NES: variants seen among roughly 807,000 people sequenced by gnomAD.
NES encodes nestin.
Under a neutral mutation model 35.6 loss-of-function variants are expected in NES, and 27 were observed. The observed-to-expected ratio is 0.76, with a 90% CI of 0.56 to 1.04. NES has a LOEUF of 1.04. Among genes scored for constraint, NES ranks in the 50% least tolerant of loss-of-function variants. The pLI is 0.00. For synonymous variants in NES, 822 were observed against 824.2 expected (o/e 1.00, Z 0.04); for missense variants, 1,867 against 1,983.6 (o/e 0.94, Z 1.12).
Position 156,676,439 on chromosome 1 carries a change from GCTTTCTGGGA to G in NES, c.783+33_783+42del, listed in dbSNP as rs750533457. The G allele has an allele frequency of 1.8e-5, 28 of 1,587,428 alleles. No homozygotes were observed. Among genetic ancestry groups the G allele is most frequent in the Non-Finnish European group, 2.4e-5 (28 of 1,171,864 alleles). ...TGAGCTTCATAAGGGACTTTCTGGA[GCTTTCTGGGA>G]CTTTCTCTCACCCAGGCCCTCAACC... On this transcript the variant is annotated intron_variant, in intron 1 of 3. Transcript: ENST00000368223. The surrounding 1 kb of genome is among the most constrained non-coding windows in gnomAD (Gnocchi z 5.3).
At position 156,673,122 on chromosome 1, in the gene NES, G is replaced by A. The variant is rs1455593745; in HGVS notation, c.1066C>T (p.Leu356Phe). 1.3e-6 allele frequency: 2 copies of A among 1,580,812 alleles called. No individual in the cohort carries two copies. The highest frequency in any genetic ancestry group is 1.2e-5 in the South Asian group (1 of 86,206). The change falls in exon 4 of 4, where the codon CTC becomes TTC. Residue 356 changes from leucine to phenylalanine, a missense_variant. Leu to Phe is a conservative substitution (Grantham distance 22, BLOSUM62 0). Coordinates refer to ENST00000368223, the MANE Select transcript of NES (RefSeq NM_006617.2). ...AGGGTAGCAGGCAAGGGTGAGGGGA[G>A]GGAAGTTGGGCTCAGGACTGGGAGC... ...SLLPVLSPTS[L>F]PSPLPATLET...
In NES at chr1:156,676,546, G is replaced by C; in HGVS notation, c.719C>G (p.Ala240Gly). ...GCCCTCCAACCTCTGTTCCAACGCT[G>C]CCCTGCGCTCCAGGAGGCCTCCGCG... ...AERGGLLERR[A>G]ALEQRLEGRW... is the part of the protein sequence containing the mutation. The change falls in exon 1 of 4, where the codon GCA becomes GGA. Residue 240 changes from alanine (A) to glycine (G), a missense_variant. Transcript: ENST00000368223. This position sits in a 1 kb window ranked among gnomAD's most constrained non-coding sequence, Gnocchi z 5.3. The C allele has an allele frequency of 6.3e-7, 1 of 1,595,258 alleles. No individual in the cohort carries two copies. Among genetic ancestry groups the C allele is most frequent in the South Asian group, 1.1e-5 (1 of 90,618 alleles).
chr1:156,673,138 G>A lies in NES; in HGVS notation c.1050C>T (p.Val350=). The part of the protein sequence containing the change: ...EGRRLGSLLP[V]LSPTSLPSPL... Reference sequence around the variant, plus strand: ...GTGAGGGGAGGGAAGTTGGGCTCAGGACTGGGAGCAAAGATCCAAGACGCC... The same window carrying A: ...GTGAGGGGAGGGAAGTTGGGCTCAGAACTGGGAGCAAAGATCCAAGACGCC... The change falls in exon 4 of 4, where the codon GTC becomes GTT. Residue 350 remains valine, a synonymous_variant. Transcript: ENST00000368223. 6.4e-7 allele frequency: 1 copy of A among 1,557,684 alleles called. No individual in the cohort carries two copies. The highest frequency in any genetic ancestry group is 8.7e-7 in the Non-Finnish European group (1 of 1,150,478).
In NES at chr1:156,669,966, C is replaced by A; in HGVS notation, c.4222G>T (p.Glu1408Ter). 6.2e-7 allele frequency: 1 copy of A among 1,613,718 alleles called. No homozygotes were observed. Among genetic ancestry groups the A allele is most frequent in the Middle Eastern group, 1.7e-4 (1 of 6,060 alleles). The change falls in exon 4 of 4, where the codon GAG becomes TAG. Residue 1408 changes from glutamate (E) to a stop codon, truncating the protein, a stop_gained. Transcript: ENST00000368223. LOFTEE classifies it low-confidence loss of function (END_TRUNC). ...TCCTCATCTGCAAACCCATCGGACT[C>A]CCCATCTCGATCCCAGGCTGCAGGA... ...LDPAAWDRDG[E>*]SDGFADEEES...
chr1:156,670,747 T>G lies in NES; in HGVS notation c.3441A>C (p.Ala1147=), dbSNP rs1679703710. 1 of 1,614,096 alleles carries G rather than the reference T, an allele frequency of 6.2e-7. No individual in the cohort carries two copies. The highest frequency in any genetic ancestry group is 8.5e-7 in the Non-Finnish European group (1 of 1,179,982). ...LEGPRKDLEE[A]GGLGTEFSEL... Reference sequence around the variant, plus strand: ...CGGAGAACTCTGTCCCCAGACCACCTGCCTCCTCTAGGTCCTTTCTAGGCC... The same window carrying G: ...CGGAGAACTCTGTCCCCAGACCACCGGCCTCCTCTAGGTCCTTTCTAGGCC... Residue 1147 remains alanine (A), a synonymous_variant, in exon 4 of 4, where the codon GCA becomes GCC. Transcript: ENST00000368223.
At position 156,676,998 on chromosome 1, in the gene NES, C is replaced by A; in HGVS notation, c.267G>T (p.Glu89Asp). Residue 89 changes from glutamate (E) to aspartate (D), a missense_variant, in exon 1 of 4, where the codon GAG becomes GAT. Physicochemically the swap from Glu to Asp is conservative, Grantham distance 45 (BLOSUM62 2). Coordinates refer to ENST00000368223, the MANE Select transcript of NES (RefSeq NM_006617.2). The surrounding 1 kb of genome is among the most constrained non-coding windows in gnomAD (Gnocchi z 5.3). ...GCTGCTGGCATCGGCCTGCCACGCCCTCCAGCTCTTCAGCCAGGTTGTCGC... is the reference window on the plus strand; with the variant it reads ...GCTGCTGGCATCGGCCTGCCACGCCATCCAGCTCTTCAGCCAGGTTGTCGC... The part of the protein sequence containing the change: ...VARDNLAEEL[E>D]GVAGRCQQLR... 2 of 1,585,930 alleles carry A rather than the reference C, an allele frequency of 1.3e-6. No homozygotes were observed. Among genetic ancestry groups the A allele is most frequent in the East Asian group, 2.3e-5 (1 of 43,652 alleles).
Position 156,670,934 on chromosome 1 carries a change from C to A in NES, c.3254G>T (p.Gly1085Val), listed in dbSNP as rs1221962954. 6.2e-7 allele frequency: 1 copy of A among 1,612,940 alleles called. No homozygotes were observed. The change falls in exon 4 of 4, where the codon GGG (glycine) becomes GTG (valine). Residue 1085 changes from glycine (G) to valine (V), a missense_variant. Transcript: ENST00000368223. ...AGACTCACCCATGGCAGGCTCTGAC[C>A]CCAACATGACCTCTGGGGAGGCTTG... Reference protein sequence around the residue: ...GDQASPEVMLGSEPAMGESAA... With the variant: ...GDQASPEVMLVSEPAMGESAA...
At position 156,677,314 on chromosome 1, in the gene NES, A is replaced by C. The variant is rs770612939; in HGVS notation, c.-50T>G. 1 of 1,247,678 alleles carries C rather than the reference A, an allele frequency of 8.0e-7. No homozygotes were observed. The highest frequency in any genetic ancestry group is 1.7e-5 in the African/African-American group (1 of 57,670). 77.3% of individuals were successfully genotyped at this position (1,247,678 alleles called of 1,614,324 possible). ...TGGACAGACGCGGGGCACCGGGAGA[A>C]GGGAGCGGCTCGCAGAGCTTTTAGG... On this transcript the variant is annotated 5_prime_UTR_variant, in exon 1 of 4. Coordinates refer to ENST00000368223, the MANE Select transcript of NES (RefSeq NM_006617.2). This position sits in a 1 kb window ranked among gnomAD's most constrained non-coding sequence, Gnocchi z 4.5.
chr1:156,673,620 C>T (rs1035396426), intron 2 of NES, 93 bp from the exon 3 acceptor site: 3 of 830,296 alleles, frequency 3.6e-6, no homozygotes, highest in African/African-American at 3.4e-5. Context: ...GAGCTTGCAC[C>T]ATCCAGGCCC....
chr1:156,677,270 T>C lies in NES; in HGVS notation c.-6A>G, dbSNP rs1326210599. 1.2e-6 allele frequency: 2 copies of C among 1,607,860 alleles called. No homozygotes were observed. Among genetic ancestry groups the C allele is most frequent in the Non-Finnish European group, 1.7e-6 (2 of 1,178,434 alleles). On this transcript the variant is annotated 5_prime_UTR_variant, in exon 1 of 4. Coordinates refer to ENST00000368223, the MANE Select transcript of NES (RefSeq NM_006617.2). This position sits in a 1 kb window ranked among gnomAD's most constrained non-coding sequence, Gnocchi z 4.5. Reference sequence around the variant, plus strand: ...TCCCCCATGCAGCCCTCCATCCTGCTCGTCTGACCCACTGAGGATGGACAG... The same window carrying C: ...TCCCCCATGCAGCCCTCCATCCTGCCCGTCTGACCCACTGAGGATGGACAG...
Position 156,672,863 on chromosome 1 carries a change from G to A in NES, c.1325C>T (p.Pro442Leu). Residue 442 changes from proline to leucine, a missense_variant, in exon 4 of 4, where the codon CCT becomes CTT. Physicochemically the swap from Pro to Leu is moderately conservative, Grantham distance 98. Transcript: ENST00000368223. ...CTGGCCCCCAGGCTCCTCTGGTCCA[G>A]GCAGGACGCTGGCAGGAATGGCCAC... ...ARVAIPASVL[P>L]GPEEPGGQRQ... 1 of 1,613,954 alleles carries A rather than the reference G, an allele frequency of 6.2e-7. No homozygotes were observed.
chr1:156,672,645 C>T lies in NES; in HGVS notation c.1543G>A (p.Val515Met), dbSNP rs557181387. The change falls in exon 4 of 4, where the codon GTG (valine) becomes ATG (methionine). Residue 515 changes from valine (V) to methionine (M), a missense_variant. Coordinates refer to ENST00000368223, the MANE Select transcript of NES (RefSeq NM_006617.2). ...VEKETAIEGK[V>M]VSSLQQEIWE... is the part of the protein sequence containing the mutation. Reference sequence around the variant, plus strand: ...ATTTCCTGCTGCAAGCTGCTTACCACTTTGCCCTCTATGGCTGTTTCTTTC... The same window carrying T: ...ATTTCCTGCTGCAAGCTGCTTACCATTTTGCCCTCTATGGCTGTTTCTTTC... 1.6e-5 allele frequency: 26 copies of T among 1,613,956 alleles called. No individual in the cohort carries two copies. In the African/African-American group the frequency reaches 2.0e-4, roughly 12 times the overall value.
At position 156,669,152 on chromosome 1, in the gene NES, G is replaced by C. The variant is rs1487130077; in HGVS notation, c.*170C>G. ...CCTACAGCCTCCATTCTTGGAGTAG[G>C]CTCCTTTGCCACACCCCTTTTCACC... is the stretch of plus-strand genomic sequence containing the variant. On this transcript the variant is annotated 3_prime_UTR_variant, in exon 4 of 4. Transcript: ENST00000368223. 2 of 488,562 alleles carry C rather than the reference G, an allele frequency of 4.1e-6. No homozygotes were observed. The highest frequency in any genetic ancestry group is 7.1e-6 in the Non-Finnish European group (2 of 280,118). 30.3% of individuals were successfully genotyped at this position (488,562 alleles called of 1,614,324 possible). A position where few individuals can be genotyped will look rare whatever the true frequency, so the allele number is the denominator to read the frequency against.
chr1:156,672,870 C>T lies in NES; in HGVS notation c.1318G>A (p.Val440Ile), dbSNP rs763647215. 4.3e-5 allele frequency: 70 copies of T among 1,613,790 alleles called. No individual in the cohort carries two copies. Among genetic ancestry groups the T allele is most frequent in the Non-Finnish European group, 5.0e-5 (59 of 1,180,042 alleles). ...AEARVAIPAS[V>I]LPGPEEPGGQ... is the part of the protein sequence containing the mutation. ...CCAGGCTCCTCTGGTCCAGGCAGGA[C>T]GCTGGCAGGAATGGCCACCCTGGCT... Residue 440 changes from valine to isoleucine, a missense_variant, in exon 4 of 4, where the codon GTC (valine) becomes ATC (isoleucine). Transcript: ENST00000368223.
rs528219083 is a variant in NES at position 156,674,424 on chromosome 1, C to T, written c.908+792G>A. Among the ~76,000 whole-genome samples the T allele has an allele frequency of 5.3e-5, 8 of 152,200 alleles. 1 individual carries two copies. Among genetic ancestry groups the T allele is most frequent in the African/African-American group, 1.7e-4 (7 of 41,524 alleles). ...CTGGCGGTGGAGCCCCTCTCCTCCA[C>T]GTCCTCCCCAGAGCCTCACTGACCT... On this transcript the variant is annotated intron_variant, in intron 2 of 3. Transcript: ENST00000368223.
chr1:156,676,418 C>G lies in NES; in HGVS notation c.783+64G>C. ...ACTCCCTTCCCAGAAGGTCTCTGAG[C>G]TTCATAAGGGACTTTCTGGAGCTTT... On this transcript the variant is annotated intron_variant, in intron 1 of 3. Coordinates refer to ENST00000368223, the MANE Select transcript of NES (RefSeq NM_006617.2). The surrounding 1 kb of genome is among the most constrained non-coding windows in gnomAD (Gnocchi z 5.3). The G allele has an allele frequency of 1.9e-6, 3 of 1,543,298 alleles. No individual in the cohort carries two copies. The highest frequency in any genetic ancestry group is 2.6e-6 in the Non-Finnish European group (3 of 1,136,586).
chr1:156,675,144 T>A, intron 2 of NES, 72 bp downstream of exon 2: 1 of 1,555,986 alleles, frequency 6.4e-7, no homozygotes, highest in African/African-American at 1.4e-5. Flanking sequence ...TCTGGTCCCC[T>A]TCAGCCACGT....
chr1:156,672,051 ATCTAAAGGCC>A lies in NES; in HGVS notation c.2127_2136del (p.Glu709AspfsTer3). 6.2e-7 allele frequency: 1 copy of A among 1,613,282 alleles called. No individual in the cohort carries two copies. The highest frequency in any genetic ancestry group is 8.5e-7 in the Non-Finnish European group (1 of 1,179,936). On this transcript the variant is annotated frameshift_variant, in exon 4 of 4. Coordinates refer to ENST00000368223, the MANE Select transcript of NES (RefSeq NM_006617.2). LOFTEE classifies it low-confidence loss of function (END_TRUNC). ...GGCTCCTGGTTCTCTTTTTCTAGAG[ATCTAAAGGCC>A]TCTTTGTTCTCATCTTCAAGAGACC...
chr1:156,670,539 C>A lies in NES; in HGVS notation c.3649G>T (p.Val1217Leu). 6.2e-7 allele frequency: 1 copy of A among 1,609,182 alleles called. No individual in the cohort carries two copies. The highest frequency in any genetic ancestry group is 1.1e-5 in the South Asian group (1 of 90,772). Residue 1217 changes from valine (V) to leucine (L), a missense_variant, in exon 4 of 4, where the codon GTG becomes TTG. Transcript: ENST00000368223. ...SEEAEEDVPPVLVSPSPTYTP... is the reference protein window; with the variant it reads ...SEEAEEDVPPLLVSPSPTYTP... ...TACGTTGGGCTGGGGGAGACCAGCA[C>A]TGGTGGTACATCCTCCTCAGCTTCC...
Sources: allele counts gnomAD v4.1 joint callset (sites outside exome capture counted in the v4.1 genomes callset), GRCh38; gene constraint gnomAD v4.1.1; non-coding constraint Gnocchi (gnomAD v3.1); transcripts MANE v1.5; gene names NCBI Gene and HGNC (gene_info 2026-07-23, HGNC 2026-07-21).